The following KLF12 variants were observed in gnomAD, a reference collection of about 807,000 sequenced individuals.
The protein encoded by KLF12 is KLF transcription factor 12, also known as Krueppel-like factor 12.
Under a neutral mutation model 37.8 loss-of-function variants are expected in KLF12, and 9 were observed. The ratio of observed to expected loss-of-function variants is 0.24; its 90% CI spans 0.14 to 0.42. The LOEUF (loss-of-function observed/expected upper bound fraction) is 0.42, where lower values mean the gene tolerates loss of function less well. KLF12 is among the 10% of genes least tolerant of loss of function. The probability of loss-of-function intolerance (pLI) is 1.00; values close to 1 mark genes in which losing one functional copy is unlikely to be tolerated. For missense variants in KLF12, 411 were observed against 516.0 expected, an observed-to-expected ratio of 0.80 and a Z score of 1.97; for synonymous variants, 208 against 202.1, an observed-to-expected ratio of 1.03 and a Z score of -0.25.
At chr13:73,698,201 A>G (rs1201366823) in intron 7 of KLF12, among the ~76,000 whole-genome samples, 3 of 149,150 alleles carry the variant, frequency 2.0e-5, no homozygotes, top group African/African-American at 7.4e-5. Context: ...GGGAGGGGAA[A>G]GGGAAGGAGG....
chr13:73,746,350 G>A lies in KLF12; in HGVS notation c.869+18588C>T, dbSNP rs183027489. 1.0e-3 allele frequency among the ~76,000 whole-genome samples: 158 copies of A among 152,258 alleles called. 1 individual carries two copies. The highest frequency in any genetic ancestry group is 3.3e-3 in the African/African-American group (136 of 41,562). On this transcript the variant is annotated intron_variant, in intron 6 of 7. Coordinates refer to ENST00000377669, the MANE Select transcript of KLF12 (RefSeq NM_007249.5). ...ATGTTAAATTGGTGAGGAATAGAAA[G>A]ACCAACCTGTGACAAAGAGGCAATG... is the stretch of plus-strand genomic sequence containing the variant.
rs1888551153 is a variant in KLF12, at chr13:73,911,175, T to A, written c.123+32806A>T. Among the ~76,000 whole-genome samples, 3 of 152,200 alleles carry A rather than the reference T, an allele frequency of 2.0e-5. No homozygotes were observed. The South Asian group carries it at 6.2e-4, about 32-fold the overall frequency. ...TTTGACTTAGTCATTCTATACTGTG[T>A]GCACATCAGGACATCTCACTGGGCC... On this transcript the variant is annotated intron_variant, in intron 3 of 7. Coordinates refer to ENST00000377669, the MANE Select transcript of KLF12 (RefSeq NM_007249.5).
At position 74,133,919 on chromosome 13, in the gene KLF12, A is replaced by C. The variant is rs1007141142; in HGVS notation, c.-212T>G. Among the ~76,000 whole-genome samples, 2 of 152,072 alleles carry C rather than the reference A, an allele frequency of 1.3e-5. No homozygotes were observed. Among genetic ancestry groups the C allele is most frequent in the African/African-American group, 4.8e-5 (2 of 41,416 alleles). ...CTCTCAGCGGCTCTCTGCAGTTCTC[A>C]GGAAATGAATGGGGGGCAACCCGGG... On this transcript the variant is annotated 5_prime_UTR_variant, in exon 1 of 8. Transcript: ENST00000377669.
At chr13:73,821,406 T>G (rs901258099) in intron 4 of KLF12, among the ~76,000 whole-genome samples, 3 of 152,126 alleles carry the variant, frequency 2.0e-5, no homozygotes, top group African/African-American at 4.8e-5. Flanking sequence ...CAAACACAAG[T>G]CCTATTCTTT....
chr13:73,999,368 T>C (rs1032093166), intron 1 of KLF12, among the ~76,000 whole-genome samples: 17 of 152,166 alleles, frequency 1.1e-4, no homozygotes, highest in African/African-American at 3.9e-4. Context: ...CACAAAAAGC[T>C]TCTAAGATTT....
chr13:74,174,757 T>C, the KLF12 span, among the ~76,000 whole-genome samples: 47 of 152,354 alleles, frequency 3.1e-4, no homozygotes, highest in African/African-American at 1.1e-3. Flanking sequence ...CATTTACGCA[T>C]TTGCTCATTT....
chr13:74,000,809 C>T (rs1892260364), intron 1 of KLF12, among the ~76,000 whole-genome samples: 1 of 152,158 alleles, frequency 6.6e-6, no homozygotes, highest in Non-Finnish European at 1.5e-5. Context: ...ACAAATAAGT[C>T]TTTAAAAGAA....
At chr13:73,919,514 A>G (rs1278035875) in intron 3 of KLF12, among the ~76,000 whole-genome samples, 1 of 152,206 alleles carries the variant, frequency 6.6e-6, no homozygotes, top group Non-Finnish European at 1.5e-5. Context: ...ATGAATCCAC[A>G]GTAATTTTTT....
At chr13:74,103,140 G>A (rs1010763020) in intron 1 of KLF12, among the ~76,000 whole-genome samples, 6 of 152,218 alleles carry the variant, frequency 3.9e-5, no homozygotes, top group Non-Finnish European at 5.9e-5. Context: ...AATGCGAAAC[G>A]TGTGCTGCTC....
chr13:73,750,722 A>T (rs1432388432), intron 6 of KLF12, among the ~76,000 whole-genome samples: 1 of 148,282 alleles, frequency 6.7e-6, no homozygotes, highest in Non-Finnish European at 1.5e-5. Context: ...AGCTGCACCT[A>T]TCAACCCATC....
the KLF12 span, among the ~76,000 whole-genome samples, chr13:74,229,073 T>G: frequency 1.3e-5 from 2 of 152,210 alleles, no homozygotes; most frequent in Non-Finnish European, 2.9e-5. Context: ...GCTGACTACC[T>G]TAAACAGTAA....
intron 3 of KLF12, among the ~76,000 whole-genome samples, chr13:73,943,069 C>G (rs186304930): frequency 9.2e-5 from 14 of 152,288 alleles, no homozygotes; most frequent in Admixed American, 7.8e-4. Flanking sequence ...TATACTCTAA[C>G]AGTGAGATTT....
chr13:74,070,854 G>GA (rs998318062), intron 1 of KLF12, among the ~76,000 whole-genome samples: 4 of 150,904 alleles, frequency 2.7e-5, no homozygotes, highest in Middle Eastern at 3.5e-3. Flanking sequence ...ATTTCATGAG[G>GA]AAAAAAAAAT....
intron 1 of KLF12, among the ~76,000 whole-genome samples, chr13:74,120,210 A>G (rs1156815662): frequency 3.3e-5 from 5 of 152,224 alleles, no homozygotes; most frequent in African/African-American, 4.8e-5. Flanking sequence ...GGCCAGGCAC[A>G]GTGGCTCATG....
At chr13:74,200,189 CAG>C in the KLF12 span, among the ~76,000 whole-genome samples, 368 of 151,048 alleles carry the variant, frequency 2.4e-3, 2 homozygotes, top group Middle Eastern at 0.017. Context: ...TAAGCTTGCT[CAG>C]GGGGGGGGTT....
chr13:74,188,863 G>A, the KLF12 span, among the ~76,000 whole-genome samples: 6 of 152,070 alleles, frequency 3.9e-5, no homozygotes, highest in Non-Finnish European at 8.8e-5. Context: ...TGGGCGTGGT[G>A]GTGCGCGCCT....
At chr13:73,892,590 C>A (rs566092360) in intron 3 of KLF12, among the ~76,000 whole-genome samples, 73 of 152,236 alleles carry the variant, frequency 4.8e-4, no homozygotes, top group African/African-American at 1.6e-3. Context: ...TTGACATCTG[C>A]TAGTATAGAA....
At chr13:74,089,626 G>A (rs759459042) in intron 1 of KLF12, among the ~76,000 whole-genome samples, 13 of 151,680 alleles carry the variant, frequency 8.6e-5, no homozygotes, top group Non-Finnish European at 1.6e-4. Context: ...TCCCAGGTAC[G>A]CAAGGTTGGT....
the KLF12 span, among the ~76,000 whole-genome samples, chr13:74,269,694 C>G: frequency 6.6e-6 from 1 of 152,130 alleles, no homozygotes; most frequent in South Asian, 2.1e-4. Flanking sequence ...CCCAGGAGCT[C>G]AAGTTCCTAT....
Sources: gnomAD v4.1 joint callset for allele counts (sites outside exome capture counted in the v4.1 genomes callset) on GRCh38, gnomAD v4.1.1 for gene constraint, MANE v1.5 for transcripts, NCBI Gene and HGNC (gene_info 2026-07-23, HGNC 2026-07-21) for gene names.